MMP15: variants seen among roughly 807,000 people sequenced by gnomAD.
MMP15 encodes the protein matrix metallopeptidase 15, also known as matrix metalloproteinase-15.
A neutral mutation model predicts 65.0 loss-of-function variants in MMP15; 36 were observed. The ratio of observed to expected loss-of-function variants is 0.55; its 90% confidence interval spans 0.42 to 0.73. The LOEUF (loss-of-function observed/expected upper bound fraction) is 0.73. MMP15 is among the 30% of genes least tolerant of loss of function. The pLI is 0.00. For missense variants in MMP15, 870 were observed against 987.8 expected, an observed-to-expected ratio of 0.88 and a Z score of 1.60; for synonymous variants, 428 against 410.2, an observed-to-expected ratio of 1.04 and a Z score of -0.52.
At chr16:58,042,411 C>T in intron 7 of MMP15, 42 bp downstream of exon 7, 1 of 1,606,970 alleles carries the variant, frequency 6.2e-7, no homozygotes. Flanking sequence ...CGCCTCCTGC[C>T]ATGACCTCTG....
Position 58,045,228 on chromosome 16 carries a change from G to A in MMP15, c.1792G>A (p.Asp598Asn). 1 of 1,601,770 alleles carries A rather than the reference G, an allele frequency of 6.2e-7. No individual in the cohort carries two copies. The highest frequency in any genetic ancestry group is 1.1e-5 in the South Asian group (1 of 88,798). The part of the protein sequence containing the change: ...DSAEGDVGDG[D>N]GDFGAGVNKD... ...CGCAGAGGGCGACGTGGGGGATGGG[G>A]ATGGGGACTTTGGGGCCGGGGTCAA... The change falls in exon 10 of 10, where the codon GAT becomes AAT. Residue 598 changes from aspartate to asparagine, a missense_variant. Coordinates refer to ENST00000219271, the MANE Select transcript of MMP15 (RefSeq NM_002428.4).
intron 1 of MMP15, among the ~76,000 whole-genome samples, chr16:58,036,197 G>A (rs1959328946): frequency 6.6e-6 from 1 of 152,152 alleles, no homozygotes; most frequent in African/African-American, 2.4e-5. Context: ...AGTGTCCAAG[G>A]TCCAGGGCAG....
At chr16:58,038,842 C>T (rs1307589314) in intron 3 of MMP15, among the ~76,000 whole-genome samples, 1 of 152,168 alleles carries the variant, frequency 6.6e-6, no homozygotes, top group Non-Finnish European at 1.5e-5. Context: ...CCAAGGGCTC[C>T]CCTTCTTGTT....
intron 3 of MMP15, among the ~76,000 whole-genome samples, chr16:58,039,442 A>G (rs925733535): frequency 2.6e-5 from 4 of 152,206 alleles, no homozygotes; most frequent in African/African-American, 7.2e-5. Context: ...AAAAAGAAAG[A>G]AGGAAAGAAA....
Position 58,039,344 on chromosome 16 carries a change from CT to C in MMP15, c.441-530del, listed in dbSNP as rs1412205368. On this transcript the variant is annotated intron_variant, in intron 3 of 9. Transcript: ENST00000219271. Reference sequence around the variant, plus strand: ...CTACTTGGGAGGCCGAGGCAGGAGACTCACTTGAACCCGGGAGGTGGAGGTT... The same window carrying C: ...CTACTTGGGAGGCCGAGGCAGGAGACCACTTGAACCCGGGAGGTGGAGGTT... Among the ~76,000 whole-genome samples the C allele has an allele frequency of 4.6e-5, 7 of 152,342 alleles. No individual in the cohort carries two copies. In the East Asian group the frequency reaches 1.3e-3, roughly 29 times the overall value.
intron 1 of MMP15, among the ~76,000 whole-genome samples, chr16:58,030,329 G>C (rs1422962148): frequency 6.6e-6 from 1 of 152,208 alleles, no homozygotes; most frequent in Admixed American, 6.5e-5. Context: ...GGACAGCTCT[G>C]AGTGACGGCT....
chr16:58,041,066 T>G (rs1959441615), intron 5 of MMP15, among the ~76,000 whole-genome samples: 1 of 152,116 alleles, frequency 6.6e-6, no homozygotes, highest in South Asian at 2.1e-4. Flanking sequence ...CTGTCACAGC[T>G]CTGTCCACAG....
chr16:58,027,412 G>T (rs1207164413), intron 1 of MMP15, among the ~76,000 whole-genome samples: 2 of 152,252 alleles, frequency 1.3e-5, no homozygotes, highest in Non-Finnish European at 2.9e-5. Context: ...AGCAAGAGCA[G>T]GGTCCACTCT....
intron 5 of MMP15, among the ~76,000 whole-genome samples, chr16:58,041,381 G>T (rs562710404): frequency 6.6e-6 from 1 of 152,336 alleles, no homozygotes; most frequent in Non-Finnish European, 1.5e-5. Context: ...AAGGGGACAT[G>T]CAGGCAGACA....
In MMP15 at chr16:58,045,348, T is replaced by C; in HGVS notation, c.1912T>C (p.Cys638Arg). The C allele has an allele frequency of 2.5e-6, 4 of 1,603,842 alleles. No homozygotes were observed. Among genetic ancestry groups the C allele is most frequent in the Non-Finnish European group, 3.4e-6 (4 of 1,176,984 alleles). ...MVLVPLLLLL[C>R]VLGLTYALVQ... is the part of the protein sequence containing the mutation. Reference sequence around the variant, plus strand: ...GCTGGTGCCACTGCTGCTGCTGCTCTGCGTCCTGGGCCTCACCTACGCGCT... The same window carrying C: ...GCTGGTGCCACTGCTGCTGCTGCTCCGCGTCCTGGGCCTCACCTACGCGCT... Residue 638 changes from cysteine (C) to arginine (R), a missense_variant, in exon 10 of 10, where the codon TGC (cysteine) becomes CGC (arginine). By Grantham distance (180) the Cys-to-Arg change is radical (BLOSUM62 -3). Transcript: ENST00000219271.
Position 58,032,201 on chromosome 16 carries a change from C to T in MMP15, c.163-5271C>T, listed in dbSNP as rs539693021. Among the ~76,000 whole-genome samples, 22 of 152,186 alleles carry T rather than the reference C, an allele frequency of 1.4e-4. No homozygotes were observed. The South Asian group carries it at 2.9e-3, about 20-fold the overall frequency. The stretch of plus-strand genomic sequence containing the variant: ...TCTTTACTGGCCTTGGGGGTAGTTG[C>T]GCCATCGGCGCTCTCAACGCTGCTT... On this transcript the variant is annotated intron_variant, in intron 1 of 9. Transcript: ENST00000219271.
chr16:58,026,852 C>T (rs968478232), intron 1 of MMP15, among the ~76,000 whole-genome samples: 1 of 152,370 alleles, frequency 6.6e-6, no homozygotes, highest in African/African-American at 2.4e-5. Flanking sequence ...TCCTTCCTTC[C>T]CTCCAGGGCA....
chr16:58,040,210 C>T, intron 4 of MMP15, 28 bp downstream of exon 4: 2 of 1,585,164 alleles, frequency 1.3e-6, no homozygotes, highest in Non-Finnish European at 1.7e-6. Flanking sequence ...GGGTGAGGGG[C>T]AGGGCAGGTG....
chr16:58,031,348 G>A (rs974201409), intron 1 of MMP15, among the ~76,000 whole-genome samples: 2 of 152,166 alleles, frequency 1.3e-5, no homozygotes, highest in Non-Finnish European at 2.9e-5. Flanking sequence ...CTGAGGTGGA[G>A]CCAGGGCTGC....
Position 58,026,336 on chromosome 16 carries a change from C to A in MMP15, c.-15C>A. ...CCGGCGTGCAGTGTTCCGAGCTGGG[C>A]TGGGCGCCGAGAGCATGGGCAGCGA... On this transcript the variant is annotated 5_prime_UTR_variant, in exon 1 of 10. It adds an upstream start codon to the 5' untranslated region. Coordinates refer to ENST00000219271, the MANE Select transcript of MMP15 (RefSeq NM_002428.4). 1.4e-5 allele frequency: 19 copies of A among 1,337,986 alleles called. No individual in the cohort carries two copies. Among genetic ancestry groups the A allele is most frequent in the Non-Finnish European group, 1.8e-5 (19 of 1,049,164 alleles). 82.9% of individuals were successfully genotyped at this position (1,337,986 alleles called of 1,614,324 possible). A position where few individuals can be genotyped will look rare whatever the true frequency, so the allele number is the denominator to read the frequency against.
At position 58,045,181 on chromosome 16, in the gene MMP15, G is replaced by T. The variant is rs1382225455; in HGVS notation, c.1745G>T (p.Gly582Val). 1.3e-6 allele frequency: 2 copies of T among 1,593,278 alleles called. No individual in the cohort carries two copies. Among genetic ancestry groups the T allele is most frequent in the East Asian group, 2.3e-5 (1 of 44,116 alleles). The change falls in exon 10 of 10, where the codon GGT becomes GTT. Residue 582 changes from glycine (G) to valine (V), a missense_variant. Gly to Val is a moderately radical substitution (Grantham distance 109). Transcript: ENST00000219271. ...VARPPFNPHG[G>V]AEPGADSAEG... Reference sequence around the variant, plus strand: ...CGGCCGCCCTTCAACCCCCACGGGGGTGCAGAGCCCGGGGCGGACAGCGCA... The same window carrying T: ...CGGCCGCCCTTCAACCCCCACGGGGTTGCAGAGCCCGGGGCGGACAGCGCA...
chr16:58,045,368 C>T lies in MMP15; in HGVS notation c.1932C>T (p.Tyr644=), dbSNP rs1289351404. ...TGCTCTGCGTCCTGGGCCTCACCTA[C>T]GCGCTGGTGCAGATGCAGCGCAAGG... ...LLLLCVLGLT[Y]ALVQMQRKGA... Residue 644 remains tyrosine, a synonymous_variant, in exon 10 of 10, where the codon TAC becomes TAT. Transcript: ENST00000219271. 1.3e-5 allele frequency: 21 copies of T among 1,595,922 alleles called. No individual in the cohort carries two copies. Among genetic ancestry groups the T allele is most frequent in the African/African-American group, 2.7e-5 (2 of 74,794 alleles).
rs572875140 is a variant in MMP15 at position 58,046,640 on chromosome 16, T to C, written c.*1194T>C. 3 of 152,866 alleles carry C rather than the reference T, an allele frequency of 2.0e-5. No homozygotes were observed. The highest frequency in any genetic ancestry group is 1.3e-4 in the Admixed American group (2 of 15,300). 9.5% of individuals were successfully genotyped at this position (152,866 alleles called of 1,614,324 possible). A position where few individuals can be genotyped will look rare whatever the true frequency, so the allele number is the denominator to read the frequency against. On this transcript the variant is annotated 3_prime_UTR_variant, in exon 10 of 10. Transcript: ENST00000219271. Reference sequence around the variant, plus strand: ...CCGTGGCTGCTGTGGGAAATGGTACTGTACAGCTGGCTCTACTTCCCCATG... The same window carrying C: ...CCGTGGCTGCTGTGGGAAATGGTACCGTACAGCTGGCTCTACTTCCCCATG...
chr16:58,046,331 C>G lies in MMP15; in HGVS notation c.*885C>G, dbSNP rs530910320. On this transcript the variant is annotated 3_prime_UTR_variant, in exon 10 of 10. Transcript: ENST00000219271. ...CCTTTGGGCTTCAGCTGCCAGTGTC[C>G]TGAGCCCCAGGGAGAGGGGGCTGGT... 6.5e-6 allele frequency: 1 copy of G among 153,086 alleles called. No homozygotes were observed. The highest frequency in any genetic ancestry group is 1.5e-5 in the Non-Finnish European group (1 of 68,622). The allele number at this position is 153,086 out of a possible 1,614,324, so 9.5% of individuals were successfully genotyped here.
Sources: allele counts gnomAD v4.1 joint callset (sites outside exome capture counted in the v4.1 genomes callset), GRCh38; gene constraint gnomAD v4.1.1; transcripts MANE v1.5; gene names NCBI Gene and HGNC (gene_info 2026-07-23, HGNC 2026-07-21).